The following PIEZO1 variants were observed in gnomAD, a reference collection of about 807,000 sequenced individuals.
The protein encoded by PIEZO1 is piezo type mechanosensitive ion channel component 1 (Er blood group).
A neutral mutation model predicts 297.2 loss-of-function variants in PIEZO1; 296 were observed. The observed-to-expected ratio is 1.00, with a 90% CI of 0.91 to 1.10. The LOEUF (loss-of-function observed/expected upper bound fraction) is 1.10. PIEZO1 is among the 50% of genes least tolerant of loss of function. PIEZO1 has a pLI of 0.00. For missense variants in PIEZO1, 5,018 were observed against 3,455.5 expected, an observed-to-expected ratio of 1.45 and a Z score of -11.34; for synonymous variants, 2,427 against 1,507.5, an observed-to-expected ratio of 1.61 and a Z score of -14.13.
chr16:88,781,365 G>A (rs1347968085), intron 1 of PIEZO1, among the ~76,000 whole-genome samples: 3 of 152,236 alleles, frequency 2.0e-5, no homozygotes, highest in Non-Finnish European at 4.4e-5. Flanking sequence ...GTGACCCGCT[G>A]CGGGACGAGC....
intron 1 of PIEZO1, among the ~76,000 whole-genome samples, chr16:88,778,642 C>T (rs1339035056): frequency 6.6e-6 from 1 of 152,242 alleles, no homozygotes; most frequent in African/African-American, 2.4e-5. Flanking sequence ...GGACGGTCAG[C>T]GTCCCCATGG....
At chr16:88,762,656 A>G (rs753733917) in intron 1 of PIEZO1, among the ~76,000 whole-genome samples, 5 of 152,192 alleles carry the variant, frequency 3.3e-5, no homozygotes, top group Non-Finnish European at 5.9e-5. Context: ...CCGGCAGCCC[A>G]CAAGTGCTGT....
intron 1 of PIEZO1, among the ~76,000 whole-genome samples, chr16:88,783,090 C>A (rs1908010164): frequency 6.6e-6 from 1 of 152,224 alleles, no homozygotes; most frequent in African/African-American, 2.4e-5. Flanking sequence ...TCATAGAAGA[C>A]TGACACGGGG....
chr16:88,722,803 A>G, intron 34 of PIEZO1, 34 bp downstream of exon 34: 2 of 1,538,300 alleles, frequency 1.3e-6, no homozygotes, highest in Non-Finnish European at 1.7e-6. Context: ...AGTCAGGCAG[A>G]GCAGGGACGA....
At chr16:88,777,820 G>A (rs996280755) in intron 1 of PIEZO1, among the ~76,000 whole-genome samples, 10 of 152,116 alleles carry the variant, frequency 6.6e-5, no homozygotes, top group African/African-American at 2.4e-4. Context: ...GGTCCTTGAG[G>A]CCCCTCCAGG....
chr16:88,723,005 C>G lies in PIEZO1; in HGVS notation c.4500G>C (p.Arg1500=), dbSNP rs1030214080. 3.9e-6 allele frequency: 6 copies of G among 1,546,372 alleles called. No individual in the cohort carries two copies. The highest frequency in any genetic ancestry group is 1.4e-5 in the African/African-American group (1 of 73,116). ...AEGPEEAAAG[R]SHVVQRVLST... The stretch of plus-strand genomic sequence containing the variant: ...TCAGCACCCTCTGCACCACATGGCT[C>G]CGGCCTGCGGGAGGGCGGGAGGGGG... Residue 1500 remains arginine, a synonymous_variant, in exon 34 of 51, where the codon CGG becomes CGC. Transcript: ENST00000301015.
intron 12 of PIEZO1, 34 bp from the exon 13 acceptor site, chr16:88,735,280 G>A (rs757434088): frequency 6.8e-6 from 10 of 1,460,840 alleles, no homozygotes; most frequent in African/African-American, 1.4e-5. Context: ...AGTCAGCCGG[G>A]GGGCCCAGCA....
Position 88,784,966 on chromosome 16 carries a change from G to A in PIEZO1, c.-2C>T, listed in dbSNP as rs1447841807. On this transcript the variant is annotated 5_prime_UTR_variant, in exon 1 of 51. Transcript: ENST00000301015. ...CGCGCCGAGCACGTGCGGCTCCATG[G>A]CTGGAGGGCCCAGGGCCCGGCCCAG... 3 of 1,364,618 alleles carry A rather than the reference G, an allele frequency of 2.2e-6. No homozygotes were observed. The highest frequency in any genetic ancestry group is 2.9e-6 in the Non-Finnish European group (3 of 1,049,520). The allele number at this position is 1,364,618 out of a possible 1,614,324, so 84.5% of individuals were successfully genotyped here.
intron 1 of PIEZO1, among the ~76,000 whole-genome samples, chr16:88,749,971 T>C (rs1325866011): frequency 2.0e-5 from 3 of 151,456 alleles, no homozygotes; most frequent in Middle Eastern, 3.4e-3. Context: ...GAGGTTACAC[T>C]GAGATGGCAC....
chr16:88,720,619 G>T lies in PIEZO1; in HGVS notation c.5798C>A (p.Ser1933Tyr). 1 of 1,545,390 alleles carries T rather than the reference G, an allele frequency of 6.5e-7. No homozygotes were observed. Among genetic ancestry groups the T allele is most frequent in the Non-Finnish European group, 8.7e-7 (1 of 1,145,848 alleles). ...AGRRLQGFCLSLAQGTYRPLR... is the reference protein window; with the variant it reads ...AGRRLQGFCLYLAQGTYRPLR... ...GCCCCCGGCCGCCATCACTCACAGGGACAGGCAGAAGCCCTGCAGCCGCCG... is the reference window on the plus strand; with the variant it reads ...GCCCCCGGCCGCCATCACTCACAGGTACAGGCAGAAGCCCTGCAGCCGCCG... Residue 1933 changes from serine (S) to tyrosine (Y), a missense_variant, in exon 40 of 51, where the codon TCC (serine) becomes TAC (tyrosine). By Grantham distance (144) the Ser-to-Tyr change is moderately radical (BLOSUM62 -2). Transcript: ENST00000301015.
Position 88,727,202 on chromosome 16 carries a change from A to G in PIEZO1, c.3302-10T>C. On this transcript the variant is annotated splice_polypyrimidine_tract_variant and intron_variant, in intron 23 of 50. Transcript: ENST00000301015. ...AGCAGGAGAAAGTCGCCTGCAGGAC[A>G]CAGGAGCCGCCGCTGTGCCACACGG... 6.5e-7 allele frequency: 1 copy of G among 1,527,334 alleles called. No individual in the cohort carries two copies. 94.6% of individuals were successfully genotyped at this position (1,527,334 alleles called of 1,614,324 possible).
Position 88,722,220 on chromosome 16 carries a change from G to T in PIEZO1, c.4953C>A (p.Asp1651Glu). 1 of 1,546,162 alleles carries T rather than the reference G, an allele frequency of 6.5e-7. No homozygotes were observed. The highest frequency in any genetic ancestry group is 1.2e-5 in the South Asian group (1 of 83,946). Residue 1651 changes from aspartate (D) to glutamate (E), a missense_variant and splice_region_variant, in exon 36 of 51, where the codon GAC becomes GAA. Coordinates refer to ENST00000301015, the MANE Select transcript of PIEZO1 (RefSeq NM_001142864.4). The stretch of plus-strand genomic sequence containing the variant: ...TGTTGTGCGCGTCCCGCCCCCACCT[G>T]TCCAGGAGCAGCTCGCTGGCCGTCC... The part of the protein sequence containing the change: ...LMRTASELLL[D>E]RRLRIPELEE...
In PIEZO1 at chr16:88,738,277, G is replaced by A. The variant is rs1392122042; in HGVS notation, c.798C>T (p.Tyr266=). The part of the protein sequence containing the change: ...GAGHLICLYC[Y]QMPLAQALLP... ...GCAGAGCCTGTGCCAAGGGCATCTG[G>A]TAGCAGTAGAGGCAGATGAGATGGC... The change falls in exon 7 of 51, where the codon TAC becomes TAT. Residue 266 remains tyrosine (Y), a synonymous_variant. Coordinates refer to ENST00000301015, the MANE Select transcript of PIEZO1 (RefSeq NM_001142864.4). 1 of 1,535,920 alleles carries A rather than the reference G, an allele frequency of 6.5e-7. No homozygotes were observed.
At position 88,733,295 on chromosome 16, in the gene PIEZO1, A is replaced by T. The variant is rs1213856757; in HGVS notation, c.2647T>A (p.Ser883Thr). The change falls in exon 19 of 51, where the codon TCC becomes ACC. Residue 883 changes from serine to threonine, a missense_variant. Physicochemically the swap from Ser to Thr is moderately conservative, Grantham distance 58. Transcript: ENST00000301015. ...QLKVVNPQEY[S>T]SNCTEPFPNS... is the part of the protein sequence containing the mutation. ...GCCGGTACCTCGGTGCAGTTGCTGG[A>T]ATACTCCTGGGGGTTGACAACCTTG... The T allele has an allele frequency of 8.4e-6, 13 of 1,543,626 alleles. No homozygotes were observed. Among genetic ancestry groups the T allele is most frequent in the South Asian group, 2.4e-5 (2 of 83,958 alleles).
In PIEZO1 at chr16:88,732,452, C is replaced by T. The variant is rs1481875921; in HGVS notation, c.2874G>A (p.Leu958=). The T allele has an allele frequency of 6.5e-7, 1 of 1,549,452 alleles. No individual in the cohort carries two copies. The highest frequency in any genetic ancestry group is 8.7e-7 in the Non-Finnish European group (1 of 1,146,452). ...ACACGGCCTGGGCAGGCAGCGGGGC[C>T]AGCTGGTGCTGCCGGCGGTAGTGCT... ...RQEHYRRQHQ[L]APLPAQAVFA... is the part of the protein sequence containing the mutation. The change falls in exon 21 of 51, where the codon CTG becomes CTA. Residue 958 remains leucine (L), a synonymous_variant. Coordinates refer to ENST00000301015, the MANE Select transcript of PIEZO1 (RefSeq NM_001142864.4).
In PIEZO1 at chr16:88,725,477, G is replaced by C; in HGVS notation, c.4101C>G (p.Gly1367=). Residue 1367 remains glycine, a synonymous_variant, in exon 29 of 51, where the codon GGC becomes GGG. Transcript: ENST00000301015. ...CCTGGGGGCGACTGCGGTCCACCCG[G>C]CCCTGCCTGTGCTTCTCCTGCTTGG... ...IRAKQEKHRQ[G]RVDRSRPQDT... is the part of the protein sequence containing the mutation. 6.6e-7 allele frequency: 1 copy of C among 1,522,196 alleles called. No individual in the cohort carries two copies. The highest frequency in any genetic ancestry group is 8.8e-7 in the Non-Finnish European group (1 of 1,130,846). 94.3% of individuals were successfully genotyped at this position (1,522,196 alleles called of 1,614,324 possible). A position where few individuals can be genotyped will look rare whatever the true frequency, so the allele number is the denominator to read the frequency against.
intron 43 of PIEZO1, 37 bp downstream of exon 43, chr16:88,719,765 C>T (rs748706448): frequency 2.3e-5 from 36 of 1,550,140 alleles, no homozygotes; most frequent in Admixed American, 1.8e-4. Flanking sequence ...CCCTCATGCC[C>T]GGGCCGTGAC....
chr16:88,736,095 C>A (rs902547320), intron 12 of PIEZO1, 53 bp downstream of exon 12: 4 of 1,489,622 alleles, frequency 2.7e-6, no homozygotes, highest in African/African-American at 2.8e-5. Context: ...AGGACGACAA[C>A]CCTGATGGGT....
At chr16:88,735,907 TCA>T (rs1040591213) in intron 12 of PIEZO1, among the ~76,000 whole-genome samples, 24 of 152,100 alleles carry the variant, frequency 1.6e-4, no homozygotes, top group South Asian at 8.3e-4. Context: ...GAGCCCACGC[TCA>T]CACAGTGTCA....
Sources: gnomAD v4.1 joint callset for allele counts (sites outside exome capture counted in the v4.1 genomes callset) on GRCh38, gnomAD v4.1.1 for gene constraint, MANE v1.5 for transcripts, NCBI Gene and HGNC (gene_info 2026-07-23, HGNC 2026-07-21) for gene names.